ADGRV1: variants seen among roughly 807,000 people sequenced by gnomAD.
The protein encoded by ADGRV1 is adhesion G protein-coupled receptor V1.
A neutral mutation model predicts 596.2 loss-of-function variants in ADGRV1; 359 were observed. The ratio of observed to expected loss-of-function variants is 0.60; its 90% CI spans 0.55 to 0.66. ADGRV1 has a LOEUF of 0.66. Among genes scored for constraint, ADGRV1 ranks in the 30% least tolerant of loss-of-function variants. ADGRV1 has a pLI of 0.00. For synonymous variants in ADGRV1, 2,681 were observed against 2,679.2 expected, an observed-to-expected ratio of 1.00 and a Z score of -0.02; for missense variants, 7,274 against 7,575.6, an observed-to-expected ratio of 0.96 and a Z score of 1.48.
chr5:90,712,836 G>A (rs902404783), intron 42 of ADGRV1, among the ~76,000 whole-genome samples: 2 of 152,020 alleles, frequency 1.3e-5, no homozygotes, highest in African/African-American at 4.8e-5. Flanking sequence ...CTCCTTTAGT[G>A]TCATCTACTC....
intron 16 of ADGRV1, 70 bp downstream of exon 16, chr5:90,646,161 C>A: frequency 2.8e-6 from 3 of 1,081,410 alleles, no homozygotes; most frequent in South Asian, 2.6e-5. Flanking sequence ...TATATATGCA[C>A]GTGCATATAT....
chr5:90,881,985 C>T (rs1391757533), intron 83 of ADGRV1, among the ~76,000 whole-genome samples: 23 of 152,126 alleles, frequency 1.5e-4, no homozygotes. Flanking sequence ...TTGGGGATTA[C>T]AGGTGTAAGC....
intron 42 of ADGRV1, among the ~76,000 whole-genome samples, chr5:90,713,587 G>A (rs970393639): frequency 6.6e-6 from 1 of 152,098 alleles, no homozygotes; most frequent in African/African-American, 2.4e-5. Flanking sequence ...TGAGGCAGGA[G>A]CAGGACTTAA....
chr5:91,074,363 T>C (rs746187767), intron 86 of ADGRV1, among the ~76,000 whole-genome samples: 1 of 152,196 alleles, frequency 6.6e-6, no homozygotes, highest in Non-Finnish European at 1.5e-5. Flanking sequence ...GTGTCTCTTA[T>C]TCCCGTCTTT....
chr5:90,847,521 C>T (rs950220483), intron 78 of ADGRV1, among the ~76,000 whole-genome samples: 2 of 152,244 alleles, frequency 1.3e-5, no homozygotes, highest in South Asian at 2.1e-4. Context: ...TGCCCACACT[C>T]CTCAGCCCTT....
intron 85 of ADGRV1, among the ~76,000 whole-genome samples, chr5:91,053,405 A>C (rs1001746946): frequency 2.0e-5 from 3 of 152,220 alleles, no homozygotes; most frequent in Non-Finnish European, 2.9e-5. Flanking sequence ...GAGCACATAT[A>C]CAAATCCTTG....
At chr5:90,899,924 C>A (rs754369049) in intron 83 of ADGRV1, among the ~76,000 whole-genome samples, 55 of 152,240 alleles carry the variant, frequency 3.6e-4, no homozygotes, top group Middle Eastern at 3.4e-3. Flanking sequence ...TGTGTCCTGT[C>A]CACCTGAGAT....
chr5:90,592,648 G>T (rs1759669073), intron 1 of ADGRV1, among the ~76,000 whole-genome samples: 1 of 152,312 alleles, frequency 6.6e-6, no homozygotes, highest in East Asian at 1.9e-4. Flanking sequence ...GAAACTACCA[G>T]AGTGAACAGG....
At chr5:91,050,286 G>A (rs1786200171) in intron 85 of ADGRV1, among the ~76,000 whole-genome samples, 1 of 152,156 alleles carries the variant, frequency 6.6e-6, no homozygotes, top group African/African-American at 2.4e-5. Flanking sequence ...AGAGACATCA[G>A]CGGTCTAGCT....
intron 67 of ADGRV1, 96 bp from the exon 68 acceptor site, chr5:90,787,975 G>A: frequency 1.3e-6 from 1 of 747,314 alleles, no homozygotes; most frequent in Non-Finnish European, 2.0e-6. Context: ...TTTCCTATAT[G>A]TGTATATATT....
Position 90,807,459 on chromosome 5 carries a change from G to A in ADGRV1, c.14837-143G>A, listed in dbSNP as rs150172503. 49 of 727,532 alleles carry A rather than the reference G, an allele frequency of 6.7e-5. No homozygotes were observed. In the East Asian group the frequency reaches 1.0e-3, roughly 15 times the overall value. 45.1% of individuals were successfully genotyped at this position (727,532 alleles called of 1,614,324 possible). On this transcript the variant is annotated intron_variant, in intron 72 of 89. Coordinates refer to ENST00000405460, the MANE Select transcript of ADGRV1 (RefSeq NM_032119.4). ...TCTCCTGTAAGTTTACCTCTCCCCC[G>A]ACCCCTTTTTAAAAATGTTTTACCT...
chr5:90,828,237 A>C (rs1482972766), intron 76 of ADGRV1, among the ~76,000 whole-genome samples: 1 of 152,202 alleles, frequency 6.6e-6, no homozygotes, highest in African/African-American at 2.4e-5. Context: ...TGAAAAATAC[A>C]TAAAACTTCA....
intron 85 of ADGRV1, among the ~76,000 whole-genome samples, chr5:91,061,135 C>G (rs16869403): frequency 0.13 from 20,137 of 152,160 alleles, 1,504 homozygotes; most frequent in African/African-American, 0.21. Flanking sequence ...GAGGTAAGAA[C>G]AGGACACCTT....
intron 83 of ADGRV1, among the ~76,000 whole-genome samples, chr5:90,950,752 G>A (rs1387798459): frequency 6.6e-6 from 1 of 152,210 alleles, no homozygotes; most frequent in Non-Finnish European, 1.5e-5. Context: ...AGTAGCGGGA[G>A]TACTTTAGTT....
chr5:90,810,622 T>G lies in ADGRV1; in HGVS notation c.15362T>G (p.Val5121Gly). The change falls in exon 74 of 90, where the codon GTG becomes GGG. Residue 5121 changes from valine (V) to glycine (G), a missense_variant. Transcript: ENST00000405460. ...CTGAATCTAGATTTCAGTGTTGCAG[T>G]GATTACAATATTGGATAATGATGAC... ...PRLNLDFSVA[V>G]ITILDNDDLA... 6.2e-7 allele frequency: 1 copy of G among 1,613,946 alleles called. No individual in the cohort carries two copies. The highest frequency in any genetic ancestry group is 1.3e-5 in the African/African-American group (1 of 75,042).
At chr5:90,907,380 CT>C (rs1772425412) in intron 83 of ADGRV1, among the ~76,000 whole-genome samples, 1 of 152,048 alleles carries the variant, frequency 6.6e-6, no homozygotes, top group Non-Finnish European at 1.5e-5. Flanking sequence ...AGATAAAAAT[CT>C]GCTAATTTGC....
chr5:90,905,944 T>A (rs1772283950), intron 83 of ADGRV1, among the ~76,000 whole-genome samples: 1 of 152,112 alleles, frequency 6.6e-6, no homozygotes, highest in Admixed American at 6.5e-5. Context: ...TATGAAGGAA[T>A]GTTGATTTTT....
At chr5:90,573,190 G>A (rs1414865171) in intron 1 of ADGRV1, among the ~76,000 whole-genome samples, 1 of 152,154 alleles carries the variant, frequency 6.6e-6, no homozygotes, top group African/African-American at 2.4e-5. Context: ...TTGGCATAAT[G>A]ATTGAGCTCT....
chr5:90,589,136 G>T (rs1419476391), intron 1 of ADGRV1, among the ~76,000 whole-genome samples: 1 of 152,104 alleles, frequency 6.6e-6, no homozygotes, highest in African/African-American at 2.4e-5. Context: ...GAAAGTGAGG[G>T]TGGAGTGGGT....
Sources: allele counts gnomAD v4.1 joint callset (sites outside exome capture counted in the v4.1 genomes callset), GRCh38; gene constraint gnomAD v4.1.1; transcripts MANE v1.5; gene names NCBI Gene and HGNC (gene_info 2026-07-23, HGNC 2026-07-21).